TTN: variants seen among roughly 807,000 people sequenced by gnomAD.
TTN encodes the protein connectin.
In TTN, 1,525 loss-of-function variants were observed where a neutral mutation model predicts 3,223.0. The ratio of observed to expected loss-of-function variants is 0.47; its 90% CI spans 0.45 to 0.49. The LOEUF (loss-of-function observed/expected upper bound fraction) is 0.49. TTN is among the 20% of genes least tolerant of loss of function. TTN has a pLI of 0.00. For missense variants in TTN, 40,786 were observed against 43,424.0 expected (o/e 0.94, Z 5.40); for synonymous variants, 14,094 against 15,161.0 (o/e 0.93, Z 5.17).
chr2:178,571,505 C>A lies in TTN; in HGVS notation c.74627G>T (p.Gly24876Val), dbSNP rs1348577140. 2.5e-6 allele frequency: 4 copies of A among 1,613,320 alleles called. No homozygotes were observed. Among genetic ancestry groups the A allele is most frequent in the Non-Finnish European group, 3.4e-6 (4 of 1,179,582 alleles). ...TGCAATTCTAAACTGATATTCACAT[C>A]CAGTCTTCAGTCTGCAAGCCTTTAT... ...TTIKACRLKT[G>V]CEYQFRIAAE... Residue 24876 changes from glycine to valine, a missense_variant, in exon 326 of 363, where the codon GGA (glycine) becomes GTA (valine). Coordinates refer to ENST00000589042, the MANE Select transcript of TTN (RefSeq NM_001267550.2).
chr2:178,570,061 A>G lies in TTN; in HGVS notation c.76071T>C (p.Arg25357=), dbSNP rs1474978344. Residue 25357 remains arginine (R), a synonymous_variant, in exon 326 of 363, where the codon CGT becomes CGC. Coordinates refer to ENST00000589042, the MANE Select transcript of TTN (RefSeq NM_001267550.2). Reference sequence around the variant, plus strand: ...CTCTCAGGCGCAACTCTCCAATCAGACGCTTATGGCATCTTGTCCATCTAA... The same window carrying G: ...CTCTCAGGCGCAACTCTCCAATCAGGCGCTTATGGCATCTTGTCCATCTAA... ...EGIRWTRCHK[R]LIGELRLRVT... 2.5e-6 allele frequency: 4 copies of G among 1,613,324 alleles called. No homozygotes were observed. In the Admixed American group the frequency reaches 6.7e-5, roughly 27 times the overall value.
In TTN at chr2:178,607,506, C is replaced by T; in HGVS notation, c.53182G>A (p.Glu17728Lys). The T allele has an allele frequency of 6.2e-7, 1 of 1,613,254 alleles. No homozygotes were observed. Residue 17728 changes from glutamate (E) to lysine (K), a missense_variant, in exon 277 of 363, where the codon GAA becomes AAA. Physicochemically the swap from Glu to Lys is moderately conservative, Grantham distance 56 (BLOSUM62 1). Transcript: ENST00000589042. ...VVIDNVGTKS[E>K]LIIKDALRKD... The stretch of plus-strand genomic sequence containing the variant: ...CGCAGTGCATCCTTGATAATTAGTT[C>T]AGATTTGGTTCCAACGTTGTCTATT...
In TTN at chr2:178,542,671, T is replaced by A; in HGVS notation, c.97183A>T (p.Ile32395Phe). ...TGTCACACATCCTTACCAAGAATGA[T>A]AACTTTAATGGTTTCTGAAGTAGTT... is the stretch of plus-strand genomic sequence containing the variant. ...TGTTSETIKV[I>F]ILDKPGPPTG... Residue 32395 changes from isoleucine (I) to phenylalanine (F), a missense_variant, in exon 348 of 363, where the codon ATC (isoleucine) becomes TTC (phenylalanine). By Grantham distance (21) the Ile-to-Phe change is conservative (BLOSUM62 0). Transcript: ENST00000589042. 6.2e-7 allele frequency: 1 copy of A among 1,611,124 alleles called. No homozygotes were observed. The highest frequency in any genetic ancestry group is 8.5e-7 in the Non-Finnish European group (1 of 1,177,440).
At position 178,733,770 on chromosome 2, in the gene TTN, C is replaced by G; in HGVS notation, c.15619G>C (p.Val5207Leu). 6.2e-7 allele frequency: 1 copy of G among 1,613,836 alleles called. No individual in the cohort carries two copies. The highest frequency in any genetic ancestry group is 8.5e-7 in the Non-Finnish European group (1 of 1,179,772). ...ISVTWMKGQEVIREDGKIKMS... is the reference protein window; with the variant it reads ...ISVTWMKGQELIREDGKIKMS... ...TTGATTTTTCCGTCTTCTCTGATGA[C>G]CTCTTGACCTTTCATCCATGTGACA... The change falls in exon 53 of 363, where the codon GTC becomes CTC. Residue 5207 changes from valine (V) to leucine (L), a missense_variant. Transcript: ENST00000589042.
Position 178,526,377 on chromosome 2 carries a change from G to A in TTN, c.*635C>T, listed in dbSNP as rs1686428336. 1 of 152,650 alleles carries A rather than the reference G, an allele frequency of 6.6e-6. No individual in the cohort carries two copies. Among genetic ancestry groups the A allele is most frequent in the African/African-American group, 2.4e-5 (1 of 41,446 alleles). 9.5% of individuals were successfully genotyped at this position (152,650 alleles called of 1,614,324 possible). ...TCAGGCACTCCTTATGTCAGAGACAGCGTAAAATGAGCGAACAAAGTGTTG... is the reference window on the plus strand; with the variant it reads ...TCAGGCACTCCTTATGTCAGAGACAACGTAAAATGAGCGAACAAAGTGTTG... On this transcript the variant is annotated 3_prime_UTR_variant, in exon 363 of 363. Transcript: ENST00000589042.
chr2:178,693,874 G>T, intron 118 of TTN, 48 bp downstream of exon 118: 2 of 1,530,268 alleles, frequency 1.3e-6, no homozygotes, highest in Non-Finnish European at 1.8e-6. Context: ...ATAAAAATCT[G>T]CCTAAAACCC....
chr2:178,723,311 A>C lies in TTN; in HGVS notation c.21696T>G (p.Phe7232Leu). The C allele has an allele frequency of 6.2e-7, 1 of 1,611,964 alleles. No individual in the cohort carries two copies. The highest frequency in any genetic ancestry group is 1.7e-4 in the Middle Eastern group (1 of 6,044). Residue 7232 changes from phenylalanine to leucine, a missense_variant, in exon 75 of 363, where the codon TTT (phenylalanine) becomes TTG (leucine). Transcript: ENST00000589042. Reference sequence around the variant, plus strand: ...CAGAATGATCACTTAATCTCTTCAAAAATGCAGCTGGTTCTAGTAAGTGAC... The same window carrying C: ...CAGAATGATCACTTAATCTCTTCAACAATGCAGCTGGTTCTAGTAAGTGAC... ...TRLFVKEPAA[F>L]LKRLSDHSVE... is the part of the protein sequence containing the mutation.
chr2:178,779,386 T>C lies in TTN; in HGVS notation c.3806A>G (p.Glu1269Gly). 6.2e-7 allele frequency: 1 copy of C among 1,601,796 alleles called. No homozygotes were observed. Among genetic ancestry groups the C allele is most frequent in the Non-Finnish European group, 8.6e-7 (1 of 1,169,244 alleles). ...EYRIIKTTLEELLEEDGEEKM... is the reference protein window; with the variant it reads ...EYRIIKTTLEGLLEEDGEEKM... ...TTCTTCTCCATCTTCTTCAAGAAGT[T>C]CTTCTAATGTAGTCTTTATTATTCT... The change falls in exon 23 of 363, where the codon GAA becomes GGA. Residue 1269 changes from glutamate to glycine, a missense_variant. By Grantham distance (98) the Glu-to-Gly change is moderately conservative (BLOSUM62 -2). Transcript: ENST00000589042.
chr2:178,725,504 G>T lies in TTN; in HGVS notation c.20700C>A (p.Asn6900Lys). The T allele has an allele frequency of 3.1e-6, 5 of 1,613,362 alleles. No individual in the cohort carries two copies. The highest frequency in any genetic ancestry group is 4.2e-6 in the Non-Finnish European group (5 of 1,179,544). ...CATTTTCCACAAATGTAATCCTGAT[G>T]TTTTCACTTTCTCTAATCACTTCTT... ...EKEEVIRESE[N>K]IRITFVENVA... The change falls in exon 71 of 363, where the codon AAC becomes AAA. Residue 6900 changes from asparagine to lysine, a missense_variant. By Grantham distance (94) the Asn-to-Lys change is moderately conservative (BLOSUM62 0). Coordinates refer to ENST00000589042, the MANE Select transcript of TTN (RefSeq NM_001267550.2).
chr2:178,663,813 A>T lies in TTN; in HGVS notation c.36448+6T>A. On this transcript the variant is annotated splice_donor_region_variant and intron_variant, in intron 170 of 362. Transcript: ENST00000589042. ...AGATCTGAAGCCTAAGGTCAGTGGCAACTACCTTTAACAGGTGGGACTTCA... is the reference window on the plus strand; with the variant it reads ...AGATCTGAAGCCTAAGGTCAGTGGCTACTACCTTTAACAGGTGGGACTTCA... The T allele has an allele frequency of 6.2e-7, 1 of 1,613,500 alleles. No individual in the cohort carries two copies. Among genetic ancestry groups the T allele is most frequent in the Non-Finnish European group, 8.5e-7 (1 of 1,179,784 alleles).
At chr2:178,544,533 G>A (rs1696120630) in intron 344 of TTN, 27 bp from the exon 345 acceptor site, 1 of 1,550,828 alleles carries the variant, frequency 6.4e-7, no homozygotes, top group African/African-American at 1.4e-5. Flanking sequence ...GTGAGATGCA[G>A]ATATTAGGCA....
At position 178,563,469 on chromosome 2, in the gene TTN, G is replaced by A. The variant is rs1704435200; in HGVS notation, c.82663C>T (p.Pro27555Ser). ...AAENAAGVGE[P>S]SEPSVFYRAC... ...CGGTAGAAAACAGATGGCTCACTAG[G>A]TTCTCCCACACCAGCTGCATTTTCA... The change falls in exon 326 of 363, where the codon CCT (proline) becomes TCT (serine). Residue 27555 changes from proline to serine, a missense_variant. Coordinates refer to ENST00000589042, the MANE Select transcript of TTN (RefSeq NM_001267550.2). This position sits in a 1 kb window ranked among gnomAD's most constrained non-coding sequence, Gnocchi z 4.5. 5 of 1,613,486 alleles carry A rather than the reference G, an allele frequency of 3.1e-6. No homozygotes were observed.
At position 178,594,691 on chromosome 2, in the gene TTN, T is replaced by C. The variant is rs749881579; in HGVS notation, c.57848-45A>G. ...AATTGTGGTAGAAAAAAATGTCACA[T>C]TAAGAATGTAGTAGGATGTAGTGAA... On this transcript the variant is annotated intron_variant, in intron 295 of 362. Coordinates refer to ENST00000589042, the MANE Select transcript of TTN (RefSeq NM_001267550.2). The C allele has an allele frequency of 1.1e-5, 16 of 1,475,128 alleles. 1 individual carries two copies. In the South Asian group the frequency reaches 2.1e-4, roughly 20 times the overall value. The allele number at this position is 1,475,128 out of a possible 1,614,324, so 91.4% of individuals were successfully genotyped here.
In TTN at chr2:178,534,605, G is replaced by C; in HGVS notation, c.102010C>G (p.Leu34004Val). The change falls in exon 358 of 363, where the codon CTG becomes GTG. Residue 34004 changes from leucine (L) to valine (V), a missense_variant. Physicochemically the swap from Leu to Val is conservative, Grantham distance 32. Transcript: ENST00000589042. ...TATDMWSLGTLVYVLLSGINP... is the reference protein window; with the variant it reads ...TATDMWSLGTVVYVLLSGINP... ...ATACCACTCAATAGCACATATACCAGTGTTCCAAGTGACCACATGTCTGTG... is the reference window on the plus strand; with the variant it reads ...ATACCACTCAATAGCACATATACCACTGTTCCAAGTGACCACATGTCTGTG... The C allele has an allele frequency of 6.2e-7, 1 of 1,613,828 alleles. No individual in the cohort carries two copies.
At chr2:178,694,956 T>TTC in intron 115 of TTN, 50 bp from the exon 116 acceptor site, 6 of 1,344,014 alleles carry the variant, frequency 4.5e-6, no homozygotes, top group South Asian at 1.3e-5. Context: ...CCTATTAAAA[T>TTC]TCTCTCTCTC....
intron 43 of TTN, among the ~76,000 whole-genome samples, chr2:178,762,866 C>T (rs1417095579): frequency 6.6e-6 from 1 of 152,146 alleles, no homozygotes. Flanking sequence ...GCAGCCATGC[C>T]TATAGGTGCT....
At chr2:178,789,267 T>G in intron 13 of TTN, 93 bp downstream of exon 13, 131 of 1,523,628 alleles carry the variant, frequency 8.6e-5, no homozygotes, top group Non-Finnish European at 1.0e-4. Context: ...TTCAGAGACT[T>G]GATATTAATG....
chr2:178,717,666 T>A lies in TTN; in HGVS notation c.25208A>T (p.Asp8403Val). The change falls in exon 87 of 363, where the codon GAT becomes GTT. Residue 8403 changes from aspartate to valine, a missense_variant. Asp to Val is a radical substitution (Grantham distance 152). Coordinates refer to ENST00000589042, the MANE Select transcript of TTN (RefSeq NM_001267550.2). ...WYKDGVLLKD[D>V]ANLQTSFVHN... The stretch of plus-strand genomic sequence containing the variant: ...AACAAAAGATGTCTGCAAATTAGCA[T>A]CATCTTTCAAAAGAACCCCATCCTT... 6.2e-7 allele frequency: 1 copy of A among 1,613,462 alleles called. No homozygotes were observed. Among genetic ancestry groups the A allele is most frequent in the Non-Finnish European group, 8.5e-7 (1 of 1,179,598 alleles).
rs1030612878 is a variant in TTN, at chr2:178,728,378, T to C, written c.19446A>G (p.Ser6482=). 6.2e-7 allele frequency: 1 copy of C among 1,601,250 alleles called. No homozygotes were observed. Among genetic ancestry groups the C allele is most frequent in the Admixed American group, 1.7e-5 (1 of 58,160 alleles). ...CCATTTTGGTTAATTTTTTGGTGAATGATGGAGGAATATTTTGATCTGTCC... is the reference window on the plus strand; with the variant it reads ...CCATTTTGGTTAATTTTTTGGTGAACGATGGAGGAATATTTTGATCTGTCC... ...LRVLDQNIPP[S]FTKKLTKMDK... is the part of the protein sequence containing the mutation. The change falls in exon 67 of 363, where the codon TCA becomes TCG. Residue 6482 remains serine, a synonymous_variant. Transcript: ENST00000589042.
Sources: gnomAD v4.1 joint callset for allele counts (sites outside exome capture counted in the v4.1 genomes callset) on GRCh38, gnomAD v4.1.1 for gene constraint, Gnocchi (gnomAD v3.1) non-coding constraint, MANE v1.5 for transcripts, NCBI Gene and HGNC (gene_info 2026-07-23, HGNC 2026-07-21) for gene names.